Variants in NAV1 observed in about 807,000 individuals in gnomAD.
NAV1 encodes the protein neuron navigator 1, also known as pore membrane and/or filament interacting like protein 3.
Under a neutral mutation model 175.2 loss-of-function variants are expected in NAV1, and 18 were observed. The observed-to-expected ratio is 0.10, with a 90% CI of 0.07 to 0.15. The LOEUF (loss-of-function observed/expected upper bound fraction) is 0.15, where lower values mean the gene tolerates loss of function less well. Among genes scored for constraint, NAV1 ranks in the 10% least tolerant of loss-of-function variants. The pLI is 1.00. For synonymous variants in NAV1, 897 were observed against 978.7 expected (o/e 0.92, Z 1.56); for missense variants, 1,731 against 2,436.6 (o/e 0.71, Z 6.10).
At position 201,587,032 on chromosome 1, in the gene NAV1, G is replaced by A. The variant is rs370174487; in HGVS notation, c.-143-1507G>A. 4.2e-4 allele frequency among the ~76,000 whole-genome samples: 64 copies of A among 151,996 alleles called. No individual in the cohort carries two copies. The East Asian group carries it at 6.6e-3, about 16-fold the overall frequency. On this transcript the variant is annotated intron_variant, in intron 1 of 33. Coordinates refer to the NAV1 transcript ENST00000685211. ...CAACTCTGGCAATATAGCAAGACCC[G>A]CCCCCTCATCTCTACAAAAAATACA...
At chr1:201,819,786 C>T in intron 29 of NAV1, 51 bp from the exon 34 acceptor site, 1 of 1,507,672 alleles carries the variant, frequency 6.6e-7, no homozygotes, top group Non-Finnish European at 9.2e-7. Context: ...CTTCTGTGGG[C>T]AGGACCCAGA....
chr1:201,789,305 C>G (rs1676959672), intron 10 of NAV1, among the ~76,000 whole-genome samples: 1 of 152,130 alleles, frequency 6.6e-6, no homozygotes, highest in Non-Finnish European at 1.5e-5. Context: ...TGAATGATCC[C>G]CAAGATCCTA....
intron 3 of NAV1, 29 bp from the exon 8 acceptor site, chr1:201,780,392 G>C (rs529581): frequency 0.38 from 608,606 of 1,611,378 alleles, 118,814 homozygotes; most frequent in Admixed American, 0.47. Flanking sequence ...CTGTTTTAAC[G>C]ATTGACCTTC....
chr1:201,697,538 A>G (rs1671243175), intron 1 of NAV1, among the ~76,000 whole-genome samples: 3 of 152,186 alleles, frequency 2.0e-5, no homozygotes, highest in Admixed American at 2.0e-4. Context: ...TGAGATCAGC[A>G]GGCTGTGTCG....
At chr1:201,575,852 G>A (rs758074822) in intron 1 of NAV1, among the ~76,000 whole-genome samples, 1 of 152,110 alleles carries the variant, frequency 6.6e-6, no homozygotes, top group Non-Finnish European at 1.5e-5. Context: ...CACCAGGCAT[G>A]GGGTATTTCT....
chr1:201,572,513 C>A (rs1210440944), intron 1 of NAV1, among the ~76,000 whole-genome samples: 2 of 151,832 alleles, frequency 1.3e-5, no homozygotes, highest in East Asian at 3.9e-4. Flanking sequence ...GGACTACAGG[C>A]ACGCACCACC....
chr1:201,792,342 G>A (rs896358848), intron 13 of NAV1: 3 of 152,162 alleles, frequency 2.0e-5, no homozygotes, highest in African/African-American at 7.2e-5. Context: ...CACCCTAGAT[G>A]TAGGGGCCCA....
intron 3 of NAV1, among the ~76,000 whole-genome samples, chr1:201,756,046 G>A (rs1558130335): frequency 6.6e-6 from 1 of 150,536 alleles, no homozygotes; most frequent in Non-Finnish European, 1.5e-5. Flanking sequence ...GTCAGAGGTT[G>A]CAGTGAGCTG....
At position 201,552,454 on chromosome 1, in the gene NAV1, T is replaced by C. The variant is rs192010346; in HGVS notation, c.-144+13112T>C. Among the ~76,000 whole-genome samples the C allele has an allele frequency of 2.8e-3, 420 of 151,916 alleles. 5 individuals are homozygous for C. The highest frequency in any genetic ancestry group is 1.3e-3 in the Non-Finnish European group (88 of 67,958). On this transcript the variant is annotated intron_variant, in intron 1 of 33. Coordinates refer to the NAV1 transcript ENST00000685211. The stretch of plus-strand genomic sequence containing the variant: ...CTGAAGGTGCTGAATTTCCCTGGCT[T>C]GTTCAGAGGCCACCTCTTTGCTTCC...
At chr1:201,799,862 A>C (rs574411534) in intron 15 of NAV1, among the ~76,000 whole-genome samples, 53 of 142,674 alleles carry the variant, frequency 3.7e-4, no homozygotes, top group African/African-American at 1.4e-3. Flanking sequence ...CTTCATCTCA[A>C]AAAAAAAAAA....
chr1:201,765,381 C>CTTTTTTTTTTTTTTTTT (rs59583786), intron 3 of NAV1, among the ~76,000 whole-genome samples: 3 of 98,616 alleles, frequency 3.0e-5, no homozygotes, highest in African/African-American at 4.0e-5. Flanking sequence ...AGGAAATATT[C>CTTTTTTTTTTTTTTTTT]TTTTTTTTTT....
chr1:201,800,949 C>T (rs1266410473), intron 15 of NAV1, among the ~76,000 whole-genome samples: 1 of 151,736 alleles, frequency 6.6e-6, no homozygotes, highest in African/African-American at 2.4e-5. Context: ...CTGCTTCAGC[C>T]AGCCAAGTAG....
At chr1:201,605,030 T>C (rs1333200035) in intron 2 of NAV1, among the ~76,000 whole-genome samples, 2 of 150,402 alleles carry the variant, frequency 1.3e-5, no homozygotes, top group African/African-American at 4.8e-5. Context: ...AATATATTAA[T>C]GGATATTTGT....
chr1:201,761,897 A>C (rs1674868631), intron 3 of NAV1, among the ~76,000 whole-genome samples: 1 of 152,168 alleles, frequency 6.6e-6, no homozygotes, highest in African/African-American at 2.4e-5. Flanking sequence ...TCATGCCTGT[A>C]ATCCTAGCAC....
intron 1 of NAV1, among the ~76,000 whole-genome samples, chr1:201,560,826 C>T (rs1345667030): frequency 6.6e-6 from 1 of 152,182 alleles, no homozygotes; most frequent in Non-Finnish European, 1.5e-5. Flanking sequence ...TGCCATGAGC[C>T]GAGACCTCCC....
intron 3 of NAV1, among the ~76,000 whole-genome samples, chr1:201,752,300 A>G (rs569168038): frequency 3.7e-4 from 56 of 152,362 alleles, no homozygotes; most frequent in African/African-American, 1.3e-3. Context: ...CCCGAATTAA[A>G]GAGACAAGTG....
Position 201,788,362 on chromosome 1 carries a change from C to CATGCT in NAV1, c.2996-105_2996-101dup. On this transcript the variant is annotated intron_variant, in intron 9 of 29. Coordinates refer to ENST00000367296, the Ensembl canonical transcript of NAV1. This position sits in a 1 kb window ranked among gnomAD's most constrained non-coding sequence, Gnocchi z 5.7. ...TCCTGCCCTCTCCCCATTTGCCTCTCATGCTCCCGGTGCTCCATCCCCCAA... is the reference window on the plus strand; with the variant it reads ...TCCTGCCCTCTCCCCATTTGCCTCTCATGCTATGCTCCCGGTGCTCCATCCCCCAA... 8.2e-7 allele frequency: 1 copy of CATGCT among 1,217,630 alleles called. No individual in the cohort carries two copies. The highest frequency in any genetic ancestry group is 1.2e-6 in the Non-Finnish European group (1 of 839,552). 75.4% of individuals were successfully genotyped at this position (1,217,630 alleles called of 1,614,324 possible).
intron 1 of NAV1, among the ~76,000 whole-genome samples, chr1:201,567,647 T>C (rs1181660689): frequency 6.6e-6 from 1 of 152,162 alleles, no homozygotes; most frequent in Non-Finnish European, 1.5e-5. Context: ...GAACTCACAG[T>C]GCCCTGGGGT....
intron 1 of NAV1, among the ~76,000 whole-genome samples, chr1:201,656,347 C>G (rs1304985111): frequency 3.3e-5 from 5 of 152,190 alleles, no homozygotes; most frequent in African/African-American, 1.2e-4. Context: ...GTCCCAAGCC[C>G]CAGTATGCTG....
Sources: gnomAD v4.1 joint callset for allele counts (sites outside exome capture counted in the v4.1 genomes callset) on GRCh38, gnomAD v4.1.1 for gene constraint, Gnocchi (gnomAD v3.1) non-coding constraint, MANE v1.5 for transcripts, NCBI Gene and HGNC (gene_info 2026-07-23, HGNC 2026-07-21) for gene names.